Variants in RELN observed in about 807,000 individuals in gnomAD.
RELN encodes the protein reelin.
RELN carries 108 observed loss-of-function variants against 427.6 expected under a neutral mutation model. The observed-to-expected ratio is 0.25, with a 90% confidence interval of 0.22 to 0.30. The LOEUF (loss-of-function observed/expected upper bound fraction) is 0.30. RELN is among the 10% of genes least tolerant of loss of function. The probability of loss-of-function intolerance (pLI) is 1.00; values close to 1 mark genes in which losing one functional copy is unlikely to be tolerated. For missense variants in RELN, 3,715 were observed against 4,302.8 expected, an observed-to-expected ratio of 0.86 and a Z score of 3.82; for synonymous variants, 1,524 against 1,513.4, an observed-to-expected ratio of 1.01 and a Z score of -0.16.
In RELN at chr7:103,575,594, A is replaced by T. The variant is rs138924805; in HGVS notation, c.4257T>A (p.His1419Gln). ...AACACACTCCTGAAATGCAGTCCCCATGGCCACTGCAGTAACTGGGACAAG... is the reference window on the plus strand; with the variant it reads ...AACACACTCCTGAAATGCAGTCCCCTTGGCCACTGCAGTAACTGGGACAAG... ...SEPCPSYCSG[H>Q]GDCISGVCFC... is the part of the protein sequence containing the mutation. Residue 1419 changes from histidine (H) to glutamine (Q), a missense_variant, in exon 29 of 65, where the codon CAT becomes CAA. Physicochemically the swap from His to Gln is conservative, Grantham distance 24. This residue lies in a region of RELN where 2,208 missense variants were observed against 2,361.7 expected (regional missense o/e 0.93). Coordinates refer to ENST00000428762, the MANE Select transcript of RELN (RefSeq NM_005045.4). 1.2e-6 allele frequency: 2 copies of T among 1,614,024 alleles called. No individual in the cohort carries two copies. Among genetic ancestry groups the T allele is most frequent in the African/African-American group, 1.3e-5 (1 of 74,924 alleles).
At chr7:103,692,814 G>A (rs885995) in intron 10 of RELN, among the ~76,000 whole-genome samples, 64,119 of 151,678 alleles carry the variant, frequency 0.42, 14,754 homozygotes, top group South Asian at 0.61. Context: ...ACCCCGACAA[G>A]TCCTGTTTGT....
chr7:103,634,178 CCT>C (rs1378842394), intron 19 of RELN, among the ~76,000 whole-genome samples: 1 of 151,966 alleles, frequency 6.6e-6, no homozygotes, highest in Non-Finnish European at 1.5e-5. Flanking sequence ...TTTCCTTAAC[CCT>C]GTCTTTTTTC....
At chr7:103,909,116 AT>A (rs1795282095) in intron 2 of RELN, among the ~76,000 whole-genome samples, 1 of 152,156 alleles carries the variant, frequency 6.6e-6, no homozygotes, top group Non-Finnish European at 1.5e-5. Flanking sequence ...ATTTAATGAA[AT>A]TGTGAATGGC....
chr7:103,589,288 C>T (rs900844559), intron 28 of RELN, among the ~76,000 whole-genome samples: 3 of 152,044 alleles, frequency 2.0e-5, no homozygotes, highest in African/African-American at 7.2e-5. Context: ...TGCTTTTTGA[C>T]CTATTTCTTT....
chr7:103,802,294 T>C lies in RELN; in HGVS notation c.474-25667A>G, dbSNP rs567718998. Among the ~76,000 whole-genome samples, 5 of 152,152 alleles carry C rather than the reference T, an allele frequency of 3.3e-5. No homozygotes were observed. In the East Asian group the frequency reaches 7.7e-4, roughly 23 times the overall value. ...AAGTGCTAAAGTTTATCATTTTCAA[T>C]GCCAAAGTAGAATTAAGACATGACT... On this transcript the variant is annotated intron_variant, in intron 3 of 64. Coordinates refer to ENST00000428762, the MANE Select transcript of RELN (RefSeq NM_005045.4).
At chr7:103,725,484 C>T (rs1263714900) in intron 7 of RELN, among the ~76,000 whole-genome samples, 5 of 46,536 alleles carry the variant, frequency 1.1e-4, no homozygotes, top group African/African-American at 4.0e-4. Context: ...CATAGGATCA[C>T]CTGAGCCCAG....
At chr7:103,985,907 T>C (rs1007429827) in intron 1 of RELN, among the ~76,000 whole-genome samples, 6 of 152,212 alleles carry the variant, frequency 3.9e-5, no homozygotes, top group Non-Finnish European at 7.3e-5. Context: ...AATGGCTACC[T>C]GACTAAACCA....
intron 11 of RELN, among the ~76,000 whole-genome samples, chr7:103,678,916 AAAG>A (rs1356081702): frequency 6.6e-5 from 10 of 152,190 alleles, no homozygotes; most frequent in Admixed American, 5.9e-4. Flanking sequence ...GTGGTGGATG[AAAG>A]AAGGAGACAA....
intron 60 of RELN, among the ~76,000 whole-genome samples, chr7:103,487,320 G>A (rs1828475823): frequency 6.6e-6 from 1 of 151,550 alleles, no homozygotes; most frequent in African/African-American, 2.4e-5. Flanking sequence ...TGGATTGATG[G>A]GTGCAGCAAA....
At chr7:103,803,913 T>C (rs1443882264) in intron 3 of RELN, among the ~76,000 whole-genome samples, 2 of 152,008 alleles carry the variant, frequency 1.3e-5, no homozygotes, top group Non-Finnish European at 2.9e-5. Flanking sequence ...GAAATTTTTA[T>C]AAAGGGTGGA....
intron 2 of RELN, among the ~76,000 whole-genome samples, chr7:103,866,471 GTTAA>G (rs1794200204): frequency 6.6e-6 from 1 of 151,908 alleles, no homozygotes. Flanking sequence ...TAACTGCATG[GTTAA>G]TTATATTTTC....
intron 8 of RELN, among the ~76,000 whole-genome samples, chr7:103,707,447 T>C (rs1052267745): frequency 3.3e-5 from 5 of 152,268 alleles, no homozygotes; most frequent in African/African-American, 1.2e-4. Context: ...ATGTAATTCA[T>C]ATTTGCTTCC....
At position 103,636,407 on chromosome 7, in the gene RELN, T is replaced by C. The variant is rs1420985344; in HGVS notation, c.2131A>G (p.Ile711Val). Residue 711 changes from isoleucine to valine, a missense_variant, in exon 18 of 65, where the codon ATT becomes GTT. Physicochemically the swap from Ile to Val is conservative, Grantham distance 29. Transcript: ENST00000428762. ...CTGGAACTGCCAAAGCTTTCAGAAA[T>C]AAACATTGGGAATGTCTGGGATGCC... ...EMASQTFPMFISESFGSSRLS... is the reference protein window; with the variant it reads ...EMASQTFPMFVSESFGSSRLS... The C allele has an allele frequency of 1.2e-6, 2 of 1,613,980 alleles. No individual in the cohort carries two copies. The highest frequency in any genetic ancestry group is 8.5e-7 in the Non-Finnish European group (1 of 1,179,948).
chr7:103,920,424 A>C (rs1795587630), intron 1 of RELN, among the ~76,000 whole-genome samples: 1 of 152,166 alleles, frequency 6.6e-6, no homozygotes. Context: ...CAAGATTATC[A>C]GTCAAATGAT....
chr7:103,593,209 A>G (rs987436571), intron 27 of RELN, among the ~76,000 whole-genome samples: 4 of 152,224 alleles, frequency 2.6e-5, no homozygotes, highest in Admixed American at 2.6e-4. Flanking sequence ...CACAGAGCTG[A>G]AAAACAAGAA....
chr7:103,524,443 A>G (rs1169846270), intron 46 of RELN, among the ~76,000 whole-genome samples: 1 of 152,202 alleles, frequency 6.6e-6, no homozygotes, highest in Non-Finnish European at 1.5e-5. Flanking sequence ...AGAAGCAGAA[A>G]TATATTTGCT....
intron 60 of RELN, among the ~76,000 whole-genome samples, 154 bp downstream of exon 60, chr7:103,489,588 C>T (rs1327105043): frequency 6.6e-6 from 1 of 152,062 alleles, no homozygotes; most frequent in African/African-American, 2.4e-5. Flanking sequence ...AATAATTTGT[C>T]CCAAAGTTAA....
chr7:103,568,450 C>T (rs2535771), intron 31 of RELN, among the ~76,000 whole-genome samples: 117,929 of 152,170 alleles, frequency 0.77, 46,648 homozygotes, highest in African/African-American at 0.94. Flanking sequence ...TTGGGGGAGA[C>T]AGCCTGCTAT....
chr7:103,907,439 A>AT (rs1795237815), intron 2 of RELN, among the ~76,000 whole-genome samples: 1 of 150,332 alleles, frequency 6.7e-6, no homozygotes, highest in African/African-American at 2.4e-5. Flanking sequence ...AAAAAAAAAA[A>AT]AAAAGCCAGG....
Sources: allele counts gnomAD v4.1 joint callset (sites outside exome capture counted in the v4.1 genomes callset), GRCh38; gene constraint gnomAD v4.1.1; regional missense constraint gnomAD v4.1.1; transcripts MANE v1.5; gene names NCBI Gene and HGNC (gene_info 2026-07-23, HGNC 2026-07-21).